The following DENND1B variants were observed in gnomAD, a reference collection of about 807,000 sequenced individuals.
DENND1B encodes the protein DENN domain containing 1B, also known as DENN domain-containing protein 1B.
A neutral mutation model predicts 90.1 loss-of-function variants in DENND1B; 59 were observed. The ratio of observed to expected loss-of-function variants is 0.65; its 90% CI spans 0.53 to 0.81. The LOEUF is 0.81. DENND1B is among the 40% of genes least tolerant of loss of function. The pLI is 0.00. For missense variants in DENND1B, 862 were observed against 912.6 expected (o/e 0.94, Z 0.71); for synonymous variants, 337 against 324.6 (o/e 1.04, Z -0.41).
chr1:197,551,948 T>C (rs1304748147), intron 16 of DENND1B, among the ~76,000 whole-genome samples: 1 of 152,138 alleles, frequency 6.6e-6, no homozygotes, highest in East Asian at 1.9e-4. Context: ...ATGCTTTCAA[T>C]GAAATGCTAC....
At chr1:197,593,773 A>G (rs542696484) in intron 14 of DENND1B, among the ~76,000 whole-genome samples, 26 of 152,262 alleles carry the variant, frequency 1.7e-4, no homozygotes, top group African/African-American at 4.3e-4. Flanking sequence ...AGTTTAGTTT[A>G]TAAAGATGAA....
chr1:197,574,176 G>A (rs1384819376), intron 15 of DENND1B, among the ~76,000 whole-genome samples: 1 of 152,130 alleles, frequency 6.6e-6, no homozygotes, highest in African/African-American at 2.4e-5. Flanking sequence ...TGACATGATT[G>A]TCTATTTAGA....
chr1:197,743,121 T>C (rs1663370334), intron 2 of DENND1B, among the ~76,000 whole-genome samples: 1 of 152,164 alleles, frequency 6.6e-6, no homozygotes, highest in African/African-American at 2.4e-5. Flanking sequence ...TTAACAAAGT[T>C]TTAAGTTATT....
At position 197,509,403 on chromosome 1, in the gene DENND1B, A is replaced by G. The variant is rs1016862516; in HGVS notation, c.*1057T>C. On this transcript the variant is annotated 3_prime_UTR_variant, in exon 23 of 23. Coordinates refer to ENST00000620048, the MANE Select transcript of DENND1B (RefSeq NM_001195215.2). ...TGGATATTAGGAGAAAACTAAGAAAATCTGAATAAAGTATGGAATATCAAT... is the reference window on the plus strand; with the variant it reads ...TGGATATTAGGAGAAAACTAAGAAAGTCTGAATAAAGTATGGAATATCAAT... 2.0e-5 allele frequency: 3 copies of G among 151,712 alleles called. No homozygotes were observed. The highest frequency in any genetic ancestry group is 7.3e-5 in the African/African-American group (3 of 41,362). The allele number at this position is 151,712 out of a possible 1,614,324, so 9.4% of individuals were successfully genotyped here.
intron 16 of DENND1B, among the ~76,000 whole-genome samples, chr1:197,548,841 T>A (rs1238324875): frequency 6.6e-6 from 1 of 152,066 alleles, no homozygotes; most frequent in Non-Finnish European, 1.5e-5. Context: ...AATCTAAAAT[T>A]TCATAGTATA....
intron 2 of DENND1B, among the ~76,000 whole-genome samples, chr1:197,724,601 C>T (rs530667122): frequency 3.9e-5 from 6 of 152,104 alleles, no homozygotes; most frequent in South Asian, 2.1e-4. Context: ...AAAATTACTA[C>T]AGAAAATCTA....
intron 14 of DENND1B, among the ~76,000 whole-genome samples, chr1:197,590,325 G>A (rs1382082288): frequency 6.6e-6 from 1 of 152,094 alleles, no homozygotes; most frequent in Non-Finnish European, 1.5e-5. Context: ...GAATGAGGAT[G>A]AATCCAGGCA....
intron 10 of DENND1B, among the ~76,000 whole-genome samples, chr1:197,619,954 A>C (rs1384237112): frequency 1.3e-5 from 2 of 151,250 alleles, no homozygotes; most frequent in African/African-American, 4.8e-5. Flanking sequence ...GGTGACAAGG[A>C]GAGGAAAAAA....
At chr1:197,612,708 T>A (rs1677288133) in intron 11 of DENND1B, among the ~76,000 whole-genome samples, 1 of 150,632 alleles carries the variant, frequency 6.6e-6, no homozygotes, top group Non-Finnish European at 1.5e-5. Context: ...ATTCAACACA[T>A]GATATTTGGA....
At chr1:197,564,294 T>C (rs1400744557) in intron 15 of DENND1B, among the ~76,000 whole-genome samples, 1 of 150,286 alleles carries the variant, frequency 6.7e-6, no homozygotes, top group Non-Finnish European at 1.5e-5. Flanking sequence ...GCAAATTTCA[T>C]TGCTGTCTTA....
At chr1:197,704,281 G>T (rs1659314107) in intron 3 of DENND1B, among the ~76,000 whole-genome samples, 1 of 152,188 alleles carries the variant, frequency 6.6e-6, no homozygotes, top group Non-Finnish European at 1.5e-5. Context: ...AATAAAAATT[G>T]TTTTCATGCA....
At chr1:197,569,718 T>C (rs551067692) in intron 15 of DENND1B, among the ~76,000 whole-genome samples, 66 of 152,144 alleles carry the variant, frequency 4.3e-4, no homozygotes, top group Admixed American at 3.9e-3. Context: ...TAGTACATGA[T>C]TTCACTAAAA....
At chr1:197,587,357 G>A (rs1181099293) in intron 14 of DENND1B, among the ~76,000 whole-genome samples, 2 of 152,186 alleles carry the variant, frequency 1.3e-5, no homozygotes, top group Non-Finnish European at 2.9e-5. Context: ...TCTGACATGA[G>A]AGAAAAACAA....
chr1:197,614,392 T>C (rs1677453039), intron 11 of DENND1B, among the ~76,000 whole-genome samples: 1 of 151,038 alleles, frequency 6.6e-6, no homozygotes, highest in Non-Finnish European at 1.5e-5. Flanking sequence ...AAAAACTGGA[T>C]TGTGTAATCC....
intron 20 of DENND1B, among the ~76,000 whole-genome samples, chr1:197,534,331 A>G (rs995129012): frequency 7.2e-5 from 11 of 152,194 alleles, no homozygotes; most frequent in African/African-American, 2.2e-4. Flanking sequence ...AATGAGACTG[A>G]GCATTTCAAA....
At chr1:197,545,165 G>C (rs1209025884) in intron 18 of DENND1B, among the ~76,000 whole-genome samples, 1 of 152,008 alleles carries the variant, frequency 6.6e-6, no homozygotes, top group African/African-American at 2.4e-5. Flanking sequence ...AGCACTTTGA[G>C]AGGCCAAGGC....
At chr1:197,760,194 C>T (rs1654855484) in intron 2 of DENND1B, among the ~76,000 whole-genome samples, 1 of 152,106 alleles carries the variant, frequency 6.6e-6, no homozygotes. Flanking sequence ...ATTTTTAATG[C>T]TTTGATCAAT....
rs748688186 is a variant in DENND1B, at chr1:197,749,830, G to GT, written c.82+23037dup. ...TTCAATTTATAGTGAAGTTTTTTGG[G>GT]TTTTTTTGTTGTTGTTTGTTTGTTT... On this transcript the variant is annotated intron_variant, in intron 2 of 22. Coordinates refer to ENST00000620048, the MANE Select transcript of DENND1B (RefSeq NM_001195215.2). 3.3e-5 allele frequency among the ~76,000 whole-genome samples: 5 copies of GT among 151,940 alleles called. No homozygotes were observed. The South Asian group carries it at 8.3e-4, about 25-fold the overall frequency.
At position 197,516,369 on chromosome 1, in the gene DENND1B, T is replaced by C. The variant is rs76616637; in HGVS notation, c.1516-3416A>G. ...GAAATAACAACGTCCAAACAGGTGATAGAATATGTCAATTGCTTGATGACT... is the reference window on the plus strand; with the variant it reads ...GAAATAACAACGTCCAAACAGGTGACAGAATATGTCAATTGCTTGATGACT... On this transcript the variant is annotated intron_variant, in intron 20 of 22. Transcript: ENST00000620048. Among the ~76,000 whole-genome samples the C allele has an allele frequency of 6.3e-3, 963 of 151,866 alleles. 49 individuals carry two copies. The East Asian group carries it at 0.12, about 19-fold the overall frequency.
Sources: allele counts gnomAD v4.1 joint callset (sites outside exome capture counted in the v4.1 genomes callset), GRCh38; gene constraint gnomAD v4.1.1; transcripts MANE v1.5; gene names NCBI Gene and HGNC (gene_info 2026-07-23, HGNC 2026-07-21).